The following UBE3A variants were observed in gnomAD, a reference collection of about 807,000 sequenced individuals.
UBE3A encodes the protein ubiquitin protein ligase E3A, also known as ubiquitin-protein ligase E3A.
UBE3A carries 6 observed loss-of-function variants against 83.4 expected under a neutral mutation model. The observed-to-expected ratio is 0.07, with a 90% confidence interval of 0.04 to 0.14. The LOEUF (loss-of-function observed/expected upper bound fraction) is 0.14, where lower values mean the gene tolerates loss of function less well. Among genes scored for constraint, UBE3A ranks in the 10% least tolerant of loss-of-function variants. UBE3A has a pLI of 1.00. For missense variants in UBE3A, 456 were observed against 1,036.1 expected (o/e 0.44, Z 7.69); for synonymous variants, 337 against 355.4 (o/e 0.95, Z 0.58).
chr15:25,350,837 T>C (rs963503372), intron 11 of UBE3A, among the ~76,000 whole-genome samples: 4 of 152,174 alleles, frequency 2.6e-5, no homozygotes, highest in Non-Finnish European at 5.9e-5. Context: ...ATTCCATTCA[T>C]AAGAAATTCT....
At chr15:25,386,278 T>TACA (rs1302400117) in intron 4 of UBE3A, among the ~76,000 whole-genome samples, 2 of 152,206 alleles carry the variant, frequency 1.3e-5, no homozygotes, top group African/African-American at 4.8e-5. Context: ...AATGCTCATT[T>TACA]ACAACAGTTC....
chr15:25,386,813 A>C (rs917390482), intron 4 of UBE3A, among the ~76,000 whole-genome samples: 4 of 152,130 alleles, frequency 2.6e-5, no homozygotes, highest in African/African-American at 9.6e-5. Context: ...GAGAAAAAAA[A>C]ACCATAAACC....
chr15:25,400,848 T>A (rs2086908603), intron 4 of UBE3A, among the ~76,000 whole-genome samples: 1 of 152,202 alleles, frequency 6.6e-6, no homozygotes, highest in Admixed American at 6.5e-5. Flanking sequence ...TGAATAGAAA[T>A]GGCAAAAGTG....
At chr15:25,419,817 T>A (rs2153141270) in intron 1 of UBE3A, among the ~76,000 whole-genome samples, 1 of 152,086 alleles carries the variant, frequency 6.6e-6, no homozygotes, top group South Asian at 2.1e-4. Flanking sequence ...TTAAGAGGAA[T>A]AATATTTTTG....
chr15:25,406,771 A>G lies in UBE3A; in HGVS notation c.21-1269T>C, dbSNP rs1252987486. Among the ~76,000 whole-genome samples, 5 of 151,794 alleles carry G rather than the reference A, an allele frequency of 3.3e-5. No individual in the cohort carries two copies. The East Asian group carries it at 9.6e-4, about 29-fold the overall frequency. On this transcript the variant is annotated intron_variant, in intron 3 of 12. Transcript: ENST00000648336. ...TTAGCTAAAAACAAAAACAAAAACA[A>G]AAAACAACCCCTCACTTCTTTATCA...
chr15:25,353,473 C>T (rs915684515), intron 11 of UBE3A, among the ~76,000 whole-genome samples: 2 of 152,074 alleles, frequency 1.3e-5, no homozygotes, highest in African/African-American at 4.8e-5. Flanking sequence ...TCTGTATATG[C>T]AGGTTCTGAG....
At position 25,362,477 on chromosome 15, in the gene UBE3A, G is replaced by C. The variant is rs1045213764; in HGVS notation, c.1609-1950C>G. On this transcript the variant is annotated intron_variant, in intron 6 of 12. Coordinates refer to ENST00000648336, the MANE Select transcript of UBE3A (RefSeq NM_130839.5). ...TAAGCCTCAGTTTCCTCAACATACT[G>C]TAAGTTGTGAAGGCTTATTAAGAAT... Among the ~76,000 whole-genome samples the C allele has an allele frequency of 8.5e-5, 13 of 152,228 alleles. No homozygotes were observed. The Middle Eastern group carries it at 0.01, about 119-fold the overall frequency.
chr15:25,375,794 T>C (rs1161560801), intron 4 of UBE3A, 31 bp from the exon 5 acceptor site: 1 of 1,602,814 alleles, frequency 6.2e-7, no homozygotes, highest in Non-Finnish European at 8.5e-7. Flanking sequence ...ATAAGCACAG[T>C]GATTAGTACA....
At chr15:25,364,071 T>TAAAA (rs1366756926) in intron 6 of UBE3A, among the ~76,000 whole-genome samples, 12 of 150,520 alleles carry the variant, frequency 8.0e-5, no homozygotes, top group African/African-American at 2.7e-4. Flanking sequence ...AATAAATAAA[T>TAAAA]AAAAAATAGT....
chr15:25,419,190 T>A (rs1383367444), intron 1 of UBE3A: 2 of 152,144 alleles, frequency 1.3e-5, no homozygotes, highest in Non-Finnish European at 2.9e-5. Flanking sequence ...TGGAACAGCA[T>A]AGTAAATTCT....
intron 1 of UBE3A, among the ~76,000 whole-genome samples, chr15:25,433,052 T>C (rs146351558): frequency 1.3e-5 from 2 of 152,290 alleles, no homozygotes; most frequent in Admixed American, 6.5e-5. Flanking sequence ...TACAGCAAAT[T>C]ACAAAAGAGA....
At chr15:25,428,738 T>C (rs1308992562) in intron 1 of UBE3A, among the ~76,000 whole-genome samples, 1 of 152,190 alleles carries the variant, frequency 6.6e-6, no homozygotes, top group Non-Finnish European at 1.5e-5. Flanking sequence ...TTAGTAACTA[T>C]TTTAAAATCT....
At chr15:25,418,630 G>A (rs1052918550) in intron 1 of UBE3A, 2 of 152,196 alleles carry the variant, frequency 1.3e-5, no homozygotes, top group African/African-American at 4.8e-5. Context: ...AGGAAGAGGT[G>A]TAGGTTCTAT....
At chr15:25,364,616 C>T (rs996274623) in intron 6 of UBE3A, among the ~76,000 whole-genome samples, 6 of 150,746 alleles carry the variant, frequency 4.0e-5, no homozygotes, top group African/African-American at 1.5e-4. Context: ...TTACAATACA[C>T]ACGTGGATTT....
At chr15:25,437,768 G>A (rs1895545505) in intron 1 of UBE3A, among the ~76,000 whole-genome samples, 1 of 152,062 alleles carries the variant, frequency 6.6e-6, no homozygotes, top group Non-Finnish European at 1.5e-5. Flanking sequence ...TAAGGCATTT[G>A]GTACATTCAA....
chr15:25,387,751 G>C (rs543297709), intron 4 of UBE3A, among the ~76,000 whole-genome samples: 1 of 152,042 alleles, frequency 6.6e-6, no homozygotes, highest in South Asian at 2.1e-4. Flanking sequence ...AAGAGACAAA[G>C]GACAAAATAA....
chr15:25,342,909 C>A (rs2075086236), intron 11 of UBE3A, among the ~76,000 whole-genome samples: 1 of 152,070 alleles, frequency 6.6e-6, no homozygotes, highest in Non-Finnish European at 1.5e-5. Context: ...TTGGGTCCAG[C>A]AATGGCAGGC....
At chr15:25,411,263 A>G (rs1596312273) in intron 2 of UBE3A, among the ~76,000 whole-genome samples, 1 of 152,228 alleles carries the variant, frequency 6.6e-6, no homozygotes, top group African/African-American at 2.4e-5. Context: ...ACAAGCTAAC[A>G]TCTAAGTATC....
Position 25,339,061 on chromosome 15 carries a change from T to G in UBE3A, c.*76A>C. 2.8e-6 allele frequency: 4 copies of G among 1,421,548 alleles called. No homozygotes were observed. The highest frequency in any genetic ancestry group is 3.7e-6 in the Non-Finnish European group (4 of 1,084,760). The allele number at this position is 1,421,548 out of a possible 1,614,324, so 88.1% of individuals were successfully genotyped here. A position where few individuals can be genotyped will look rare whatever the true frequency, so the allele number is the denominator to read the frequency against. ...ATCACCACCAAAAATTTATCCCTCG[T>G]TATATTTTTAAAATTTTTTAAATTT... is the stretch of plus-strand genomic sequence containing the variant. On this transcript the variant is annotated 3_prime_UTR_variant, in exon 13 of 13. Transcript: ENST00000648336.
Sources: allele counts gnomAD v4.1 joint callset (sites outside exome capture counted in the v4.1 genomes callset), GRCh38; gene constraint gnomAD v4.1.1; transcripts MANE v1.5; gene names NCBI Gene and HGNC (gene_info 2026-07-23, HGNC 2026-07-21).